MORC1: variants seen among roughly 807,000 people sequenced by gnomAD.
MORC1 encodes MORC family CW-type zinc finger 1.
Under a neutral mutation model 134.9 loss-of-function variants are expected in MORC1, and 59 were observed. The ratio of observed to expected loss-of-function variants is 0.44; its 90% CI spans 0.35 to 0.54. MORC1 has a LOEUF of 0.54. Ranked by LOEUF, MORC1 falls within the 20% of genes least tolerant of loss-of-function variation. The pLI is 0.00. For missense variants in MORC1, 947 were observed against 1,134.5 expected, an observed-to-expected ratio of 0.83 and a Z score of 2.37; for synonymous variants, 395 against 391.7, an observed-to-expected ratio of 1.01 and a Z score of -0.10.
At chr3:109,059,748 AGAATTTGTTT>A (rs1440723658) in intron 12 of MORC1, 48 bp downstream of exon 12, 2 of 1,486,016 alleles carry the variant, frequency 1.3e-6, no homozygotes, top group African/African-American at 2.8e-5. Context: ...CTTAGAAACC[AGAATTTGTTT>A]TAACAGAGTA....
At chr3:109,036,957 CCT>C (rs752673924) in intron 14 of MORC1, among the ~76,000 whole-genome samples, 19 of 152,286 alleles carry the variant, frequency 1.2e-4, no homozygotes, top group Non-Finnish European at 1.8e-4. Context: ...ATGATTAACC[CCT>C]GTTCTGGAAA....
intron 25 of MORC1, among the ~76,000 whole-genome samples, chr3:108,970,828 C>T (rs1947356399): frequency 6.6e-6 from 1 of 152,218 alleles, no homozygotes; most frequent in Admixed American, 6.5e-5. Flanking sequence ...GTGAGGCTTA[C>T]TCTTTGCACC....
intron 17 of MORC1, among the ~76,000 whole-genome samples, chr3:109,025,980 T>C (rs1444723096): frequency 6.6e-6 from 1 of 152,142 alleles, no homozygotes; most frequent in Non-Finnish European, 1.5e-5. Context: ...AGAACTTACA[T>C]TTTGGTATTA....
chr3:109,080,293 AG>A (rs1950498553), intron 8 of MORC1, among the ~76,000 whole-genome samples: 1 of 152,158 alleles, frequency 6.6e-6, no homozygotes, highest in Admixed American at 6.5e-5. Context: ...GTAAAGAGAG[AG>A]AGAGTTTATG....
At chr3:109,058,348 C>T (rs1025517884) in intron 12 of MORC1, among the ~76,000 whole-genome samples, 1 of 152,024 alleles carries the variant, frequency 6.6e-6, no homozygotes, top group Admixed American at 6.6e-5. Flanking sequence ...TAAATATAAG[C>T]CTGGAACAGA....
At chr3:109,101,285 G>C (rs72935400) in intron 4 of MORC1, among the ~76,000 whole-genome samples, 7,665 of 152,218 alleles carry the variant, frequency 0.05, 583 homozygotes, top group African/African-American at 0.16. Flanking sequence ...CCAGGCCCAT[G>C]TGAGACTAAG....
At chr3:108,976,900 CCT>C (rs1463658103) in intron 24 of MORC1, among the ~76,000 whole-genome samples, 1 of 152,010 alleles carries the variant, frequency 6.6e-6, no homozygotes, top group Non-Finnish European at 1.5e-5. Flanking sequence ...CAGATTATCC[CCT>C]TTTTGATCAC....
At position 109,035,483 on chromosome 3, in the gene MORC1, A is replaced by AAAGCAG. The variant is rs397816638; in HGVS notation, c.1331-16_1331-15insCTGCTT. 1 of 1,414,368 alleles carries AAAGCAG rather than the reference A, an allele frequency of 7.1e-7. No homozygotes were observed. The allele number at this position is 1,414,368 out of a possible 1,614,324, so 87.6% of individuals were successfully genotyped here. A position where few individuals can be genotyped will look rare whatever the true frequency, so the allele number is the denominator to read the frequency against. On this transcript the variant is annotated splice_polypyrimidine_tract_variant and intron_variant, in intron 14 of 27. Transcript: ENST00000232603. ...ATTTCTATTATCTTTTAAAAAAAAA[A>AAAGCAG]GCAGGCAAAGAATAACAAAAAAAAA...
chr3:109,102,723 T>C (rs1047015658), intron 4 of MORC1, among the ~76,000 whole-genome samples: 1 of 152,204 alleles, frequency 6.6e-6, no homozygotes, highest in Non-Finnish European at 1.5e-5. Flanking sequence ...TCATAAGGAA[T>C]TCCCTTAGAA....
intron 17 of MORC1, among the ~76,000 whole-genome samples, chr3:109,022,036 G>C (rs752157747): frequency 6.6e-6 from 1 of 152,086 alleles, no homozygotes; most frequent in South Asian, 2.1e-4. Flanking sequence ...ATCCCTCTTC[G>C]AAAAGCAATA....
At chr3:108,989,969 T>A (rs187652815) in intron 21 of MORC1, among the ~76,000 whole-genome samples, 1 of 152,212 alleles carries the variant, frequency 6.6e-6, no homozygotes, top group Admixed American at 6.5e-5. Context: ...AATTGAGTCA[T>A]GGGGGCGGGT....
intron 21 of MORC1, among the ~76,000 whole-genome samples, chr3:108,995,557 G>A (rs1948178464): frequency 6.6e-6 from 1 of 152,204 alleles, no homozygotes; most frequent in Non-Finnish European, 1.5e-5. Context: ...TATTACTAGA[G>A]TGATAATCTT....
At position 109,057,363 on chromosome 3, in the gene MORC1, T is replaced by C. The variant is rs1949984509; in HGVS notation, c.1155A>G (p.Ser385=). The C allele has an allele frequency of 6.2e-6, 10 of 1,610,486 alleles. No homozygotes were observed. Among genetic ancestry groups the C allele is most frequent in the Non-Finnish European group, 8.5e-6 (10 of 1,178,556 alleles). Residue 385 remains serine, a synonymous_variant, in exon 13 of 28, where the codon TCA becomes TCG. Transcript: ENST00000232603. Reference sequence around the variant, plus strand: ...CTCACAAGGACTTCAGTTTCAACTGTGAGCCCACTTTTTCATGCATTTTGA... The same window carrying C: ...CTCACAAGGACTTCAGTTTCAACTGCGAGCCCACTTTTTCATGCATTTTGA... ...RLIKMHEKVG[S]QLKLKSLLGA...
At chr3:109,056,359 C>CCT in intron 13 of MORC1, among the ~76,000 whole-genome samples, 1 of 152,264 alleles carries the variant, frequency 6.6e-6, no homozygotes, top group Non-Finnish European at 1.5e-5. Flanking sequence ...TCCCGAGTAG[C>CCT]TGAGACCACA....
Position 108,986,877 on chromosome 3 carries a change from T to TTA in MORC1, c.2257+2_2257+3insTA. The stretch of plus-strand genomic sequence containing the variant: ...ATATATACATGAGCTGATTTTTTTT[T>TTA]ACCTTGGTTTAAAAGAGGAATTTCC... On this transcript the variant is annotated splice_region_variant and intron_variant, in intron 22 of 27. Transcript: ENST00000232603. 1.9e-6 allele frequency: 3 copies of TTA among 1,551,004 alleles called. No individual in the cohort carries two copies. Among genetic ancestry groups the TTA allele is most frequent in the Non-Finnish European group, 1.7e-6 (2 of 1,149,072 alleles).
chr3:109,064,303 A>G (rs1950149449), intron 9 of MORC1, among the ~76,000 whole-genome samples: 1 of 152,144 alleles, frequency 6.6e-6, no homozygotes, highest in Admixed American at 6.6e-5. Flanking sequence ...CCCCATATCT[A>G]ATTCTGTATT....
intron 4 of MORC1, among the ~76,000 whole-genome samples, chr3:109,100,726 C>T (rs1422290918): frequency 6.6e-6 from 1 of 152,196 alleles, no homozygotes; most frequent in East Asian, 1.9e-4. Flanking sequence ...CATTCATAGA[C>T]TCAACTAATC....
At chr3:109,081,796 G>T (rs1950525300) in intron 8 of MORC1, among the ~76,000 whole-genome samples, 1 of 152,032 alleles carries the variant, frequency 6.6e-6, no homozygotes, top group Non-Finnish European at 1.5e-5. Flanking sequence ...CCCCCAATCT[G>T]CCCATCTTCT....
chr3:109,054,153 G>A (rs972305507), intron 14 of MORC1, among the ~76,000 whole-genome samples: 7 of 151,968 alleles, frequency 4.6e-5, no homozygotes, highest in South Asian at 2.1e-4. Context: ...GTGGTGGCAG[G>A]TGCCTGTAAT....
Sources: gnomAD v4.1 joint callset for allele counts (sites outside exome capture counted in the v4.1 genomes callset) on GRCh38, gnomAD v4.1.1 for gene constraint, MANE v1.5 for transcripts, NCBI Gene and HGNC (gene_info 2026-07-23, HGNC 2026-07-21) for gene names.